Variants in ALCAM observed in about 807,000 individuals in gnomAD.
ALCAM encodes the protein CD166 antigen.
Under a neutral mutation model 70.9 loss-of-function variants are expected in ALCAM, and 30 were observed. The observed-to-expected ratio is 0.42, with a 90% CI of 0.32 to 0.57. The LOEUF is 0.57. ALCAM is among the 20% of genes least tolerant of loss of function. The pLI is 0.11. For synonymous variants in ALCAM, 249 were observed against 242.5 expected (o/e 1.03, Z -0.25); for missense variants, 591 against 695.1 (o/e 0.85, Z 1.68).
At chr3:105,395,598 C>T (rs1186561395) in intron 1 of ALCAM, among the ~76,000 whole-genome samples, 3 of 151,896 alleles carry the variant, frequency 2.0e-5, no homozygotes, top group African/African-American at 4.8e-5. Flanking sequence ...ACTTATGACA[C>T]CATGTTATTT....
rs374291712 is a variant in ALCAM at position 105,486,795 on chromosome 3, G to T, written c.74-33272G>T. 1.3e-4 allele frequency among the ~76,000 whole-genome samples: 20 copies of T among 152,148 alleles called. No individual in the cohort carries two copies. In the East Asian group the frequency reaches 3.7e-3, roughly 28 times the overall value. ...AATATAGATGGAAAACTTGATTCAA[G>T]AAATAGTTTCCATTTATCTTTCAAC... is the stretch of plus-strand genomic sequence containing the variant. On this transcript the variant is annotated intron_variant, in intron 1 of 15. Coordinates refer to ENST00000306107, the MANE Select transcript of ALCAM (RefSeq NM_001627.4).
At chr3:105,573,790 A>G (rs1940905375) in intron 15 of ALCAM, among the ~76,000 whole-genome samples, 1 of 152,240 alleles carries the variant, frequency 6.6e-6, no homozygotes, top group South Asian at 2.1e-4. Context: ...CATTATAAAT[A>G]AACCACAAGT....
rs534344113 is a variant in ALCAM, at chr3:105,408,036, A to G, written c.73+40555A>G. On this transcript the variant is annotated intron_variant, in intron 1 of 15. Coordinates refer to ENST00000306107, the MANE Select transcript of ALCAM (RefSeq NM_001627.4). Reference sequence around the variant, plus strand: ...GAAAGACCTTACAAAGAAAACTACAAAACACTGCTGAAAGAAATAATACAT... The same window carrying G: ...GAAAGACCTTACAAAGAAAACTACAGAACACTGCTGAAAGAAATAATACAT... 2.6e-5 allele frequency among the ~76,000 whole-genome samples: 4 copies of G among 152,248 alleles called. No individual in the cohort carries two copies. The South Asian group carries it at 8.3e-4, about 32-fold the overall frequency.
Position 105,515,886 on chromosome 3 carries a change from A to C in ALCAM, c.74-4181A>C, listed in dbSNP as rs960207875. Among the ~76,000 whole-genome samples, 7 of 152,070 alleles carry C rather than the reference A, an allele frequency of 4.6e-5. No homozygotes were observed. The South Asian group carries it at 1.4e-3, about 31-fold the overall frequency. On this transcript the variant is annotated intron_variant, in intron 1 of 15. Coordinates refer to ENST00000306107, the MANE Select transcript of ALCAM (RefSeq NM_001627.4). ...TTCTAAGGATAAACTTCTCATTTCT[A>C]TCTGCCTCCTCAGGGACAGTTCATT...
chr3:105,464,387 T>C (rs1937656930), intron 1 of ALCAM, among the ~76,000 whole-genome samples: 1 of 151,246 alleles, frequency 6.6e-6, no homozygotes. Flanking sequence ...ATATTTTCTA[T>C]TTAACAAAGA....
chr3:105,448,465 C>T (rs1291280219), intron 1 of ALCAM, among the ~76,000 whole-genome samples: 3 of 151,676 alleles, frequency 2.0e-5, no homozygotes, highest in African/African-American at 7.3e-5. Flanking sequence ...TCTGTAACAT[C>T]TTGCCTCTAT....
intron 14 of ALCAM, 134 bp from the exon 15 acceptor site, chr3:105,571,718 A>G (rs2291374): frequency 0.097 from 60,684 of 623,306 alleles, 3,462 homozygotes; most frequent in Non-Finnish European, 0.12. Context: ...GCTCACAGAT[A>G]TGGAAATTTT....
Position 105,547,234 on chromosome 3 carries a change from A to C in ALCAM, c.1190A>C (p.Gln397Pro). 6.2e-7 allele frequency: 1 copy of C among 1,606,916 alleles called. No individual in the cohort carries two copies. Among genetic ancestry groups the C allele is most frequent in the East Asian group, 2.2e-5 (1 of 44,762 alleles). ...AGNYVCETAL[Q>P]EVEGLKKRES... is the part of the protein sequence containing the mutation. ...AACTATGTCTGCGAAACTGCTCTGC[A>C]GGAGGTTGAAGGACTAAAGAAAAGA... The change falls in exon 10 of 16, where the codon CAG becomes CCG. Residue 397 changes from glutamine to proline, a missense_variant. By Grantham distance (76) the Gln-to-Pro change is moderately conservative (BLOSUM62 -1). Coordinates refer to ENST00000306107, the MANE Select transcript of ALCAM (RefSeq NM_001627.4).
At chr3:105,444,817 A>G (rs1251145818) in intron 1 of ALCAM, among the ~76,000 whole-genome samples, 2 of 152,192 alleles carry the variant, frequency 1.3e-5, no homozygotes, top group Non-Finnish European at 1.5e-5. Flanking sequence ...TCACTAATGC[A>G]GTTTTATATG....
chr3:105,571,768 C>T (rs2152636391), intron 14 of ALCAM, 84 bp from the exon 15 acceptor site: 1 of 1,043,190 alleles, frequency 9.6e-7, no homozygotes. Flanking sequence ...TTTTCAAAGA[C>T]ACATTAATTC....
At chr3:105,501,404 AT>A (rs1938916187) in intron 1 of ALCAM, among the ~76,000 whole-genome samples, 1 of 152,214 alleles carries the variant, frequency 6.6e-6, no homozygotes, top group Non-Finnish European at 1.5e-5. Flanking sequence ...TCTGAATAAT[AT>A]TTGGTTTAAC....
At chr3:105,475,861 G>A (rs1185923394) in intron 1 of ALCAM, among the ~76,000 whole-genome samples, 1 of 151,712 alleles carries the variant, frequency 6.6e-6, no homozygotes, top group Non-Finnish European at 1.5e-5. Flanking sequence ...ATAAAAAATA[G>A]ATTTCCATAA....
At chr3:105,509,241 G>C (rs1939168636) in intron 1 of ALCAM, among the ~76,000 whole-genome samples, 1 of 152,042 alleles carries the variant, frequency 6.6e-6, no homozygotes, top group Admixed American at 6.6e-5. Context: ...AAGTGGGATT[G>C]CTGGATTATC....
At chr3:105,516,859 A>G (rs1939394562) in intron 1 of ALCAM, among the ~76,000 whole-genome samples, 1 of 152,080 alleles carries the variant, frequency 6.6e-6, no homozygotes, top group Admixed American at 6.6e-5. Context: ...GGCATTCTCT[A>G]TGTCCAGTAG....
At chr3:105,500,382 C>T in intron 1 of ALCAM, among the ~76,000 whole-genome samples, 1 of 151,862 alleles carries the variant, frequency 6.6e-6, no homozygotes, top group East Asian at 1.9e-4. Flanking sequence ...GATGCAAGCT[C>T]TGTTTGTGGT....
Position 105,576,310 on chromosome 3 carries a change from T to C in ALCAM, c.*1859T>C, listed in dbSNP as rs1940962658. 1 of 152,598 alleles carries C rather than the reference T, an allele frequency of 6.6e-6. No individual in the cohort carries two copies. The allele number at this position is 152,598 out of a possible 1,614,324, so 9.5% of individuals were successfully genotyped here. On this transcript the variant is annotated 3_prime_UTR_variant, in exon 16 of 16. Transcript: ENST00000306107. ...TGTGATTTCTTTTTTATTTTCTCTT[T>C]AGAATTTTGTTAAAGAAATTCTAAA...
chr3:105,561,290 T>C (rs564373724), intron 14 of ALCAM, among the ~76,000 whole-genome samples: 134 of 152,318 alleles, frequency 8.8e-4, no homozygotes, highest in African/African-American at 3.1e-3. Flanking sequence ...GTTTTGTGGA[T>C]TCCTATGTAA....
At chr3:105,389,615 G>A (rs999604049) in intron 1 of ALCAM, among the ~76,000 whole-genome samples, 4 of 151,374 alleles carry the variant, frequency 2.6e-5, no homozygotes, top group Non-Finnish European at 5.9e-5. Context: ...GGATACATGT[G>A]CAGGATGTGC....
chr3:105,524,421 G>T lies in ALCAM; in HGVS notation c.307G>T (p.Ala103Ser), dbSNP rs1248973219. ...SENYTLSISN[A>S]RISDEKRFVC... ...AAACTACACTTTGTCTATCAGTAATGCAAGGATCAGTGATGAAAAGAGATT... is the reference window on the plus strand; with the variant it reads ...AAACTACACTTTGTCTATCAGTAATTCAAGGATCAGTGATGAAAAGAGATT... Residue 103 changes from alanine to serine, a missense_variant, in exon 3 of 16, where the codon GCA (alanine) becomes TCA (serine). Ala to Ser is a moderately conservative substitution (Grantham distance 99). Around this residue, in one of 2 missense-constraint regions of ALCAM, gnomAD observed 427 missense variants for 450.4 expected, o/e 0.95. Coordinates refer to ENST00000306107, the MANE Select transcript of ALCAM (RefSeq NM_001627.4). The T allele has an allele frequency of 6.2e-6, 10 of 1,614,016 alleles. No homozygotes were observed. Among genetic ancestry groups the T allele is most frequent in the Non-Finnish European group, 7.6e-6 (9 of 1,180,012 alleles).
Sources: gnomAD v4.1 joint callset for allele counts (sites outside exome capture counted in the v4.1 genomes callset) on GRCh38, gnomAD v4.1.1 for gene constraint, gnomAD v4.1.1 regional missense constraint, MANE v1.5 for transcripts, NCBI Gene and HGNC (gene_info 2026-07-23, HGNC 2026-07-21) for gene names.